Variants in GNAQ observed in about 807,000 individuals in gnomAD.
GNAQ encodes the protein G protein subunit alpha q.
GNAQ carries 8 observed loss-of-function variants against 43.9 expected under a neutral mutation model. That is an observed-to-expected ratio of 0.18 (90% CI 0.11 to 0.33). The LOEUF is 0.33. GNAQ is among the 10% of genes least tolerant of loss of function. The probability of loss-of-function intolerance (pLI) is 1.00; values close to 1 mark genes in which losing one functional copy is unlikely to be tolerated. For synonymous variants in GNAQ, 155 were observed against 170.7 expected (o/e 0.91, Z 0.71); for missense variants, 158 against 450.8 (o/e 0.35, Z 5.88).
intron 5 of GNAQ, among the ~76,000 whole-genome samples, chr9:77,732,618 G>C (rs895834165): frequency 6.6e-6 from 1 of 152,096 alleles, no homozygotes; most frequent in Non-Finnish European, 1.5e-5. Flanking sequence ...TGCCTGCCTT[G>C]GCCTCCCAAA....
chr9:77,976,169 T>C (rs933288013), intron 1 of GNAQ, among the ~76,000 whole-genome samples: 2 of 152,200 alleles, frequency 1.3e-5, no homozygotes, highest in Non-Finnish European at 2.9e-5. Context: ...GCTTCTAATT[T>C]ATATTAGTTT....
At chr9:77,984,190 G>A (rs1372658246) in intron 1 of GNAQ, among the ~76,000 whole-genome samples, 1 of 95,174 alleles carries the variant, frequency 1.1e-5, no homozygotes, top group Non-Finnish European at 2.2e-5. Context: ...TTTTTTTTTT[G>A]AGACAGGGCC....
chr9:77,718,503 C>G lies in GNAQ; in HGVS notation c.*2820G>C, dbSNP rs1268459820. ...CTACAGGAACAGCGAAGCCACAAAC[C>G]TCAATTCTGCATAGCAAATTCCATC... On this transcript the variant is annotated 3_prime_UTR_variant, in exon 7 of 7. Transcript: ENST00000286548. 1 of 232,410 alleles carries G rather than the reference C, an allele frequency of 4.3e-6. No individual in the cohort carries two copies. The highest frequency in any genetic ancestry group is 8.5e-6 in the Non-Finnish European group (1 of 117,648). 14.4% of individuals were successfully genotyped at this position (232,410 alleles called of 1,614,324 possible). A position where few individuals can be genotyped will look rare whatever the true frequency, so the allele number is the denominator to read the frequency against.
intron 2 of GNAQ, among the ~76,000 whole-genome samples, chr9:77,866,569 G>C (rs1827952687): frequency 6.6e-6 from 1 of 152,158 alleles, no homozygotes; most frequent in African/African-American, 2.4e-5. Context: ...ATTATCAGTT[G>C]CATGTACTAA....
At chr9:77,970,869 A>G (rs1221566342) in intron 1 of GNAQ, among the ~76,000 whole-genome samples, 1 of 152,150 alleles carries the variant, frequency 6.6e-6, no homozygotes, top group Non-Finnish European at 1.5e-5. Context: ...TTTTGAAAAG[A>G]TCAACAAAAT....
intron 3 of GNAQ, among the ~76,000 whole-genome samples, chr9:77,810,731 T>A (rs975082533): frequency 6.6e-6 from 1 of 152,200 alleles, no homozygotes; most frequent in African/African-American, 2.4e-5. Context: ...TCACTTCTAT[T>A]ATTTCATGAA....
At position 77,781,502 on chromosome 9, in the gene GNAQ, C is replaced by A. The variant is rs538316379; in HGVS notation, c.735+12961G>T. Among the ~76,000 whole-genome samples the A allele has an allele frequency of 4.7e-4, 71 of 152,142 alleles. No homozygotes were observed. The South Asian group carries it at 0.012, about 25-fold the overall frequency. ...AGATAGAAGCAGAAGGAGGGAATAC[C>A]TCCTAACTCATTATGAGGCCAGCAT... On this transcript the variant is annotated intron_variant, in intron 5 of 6. Transcript: ENST00000286548.
chr9:77,889,968 T>C (rs1187433940), intron 2 of GNAQ, among the ~76,000 whole-genome samples: 2 of 152,336 alleles, frequency 1.3e-5, no homozygotes, highest in Middle Eastern at 3.4e-3. Context: ...CATTCTATAA[T>C]ATGCATACTA....
intron 1 of GNAQ, among the ~76,000 whole-genome samples, chr9:77,933,677 T>G (rs915647194): frequency 9.9e-5 from 15 of 151,978 alleles, no homozygotes; most frequent in African/African-American, 3.6e-4. Flanking sequence ...CATGCACACT[T>G]CTTTTAGAGA....
At chr9:77,987,547 C>T (rs1181034837) in intron 1 of GNAQ, among the ~76,000 whole-genome samples, 1 of 152,156 alleles carries the variant, frequency 6.6e-6, no homozygotes, top group Non-Finnish European at 1.5e-5. Context: ...TCTCGGCAAT[C>T]CACCTGCTTG....
intron 2 of GNAQ, among the ~76,000 whole-genome samples, chr9:77,835,348 C>T (rs1211816495): frequency 6.6e-6 from 1 of 151,482 alleles, no homozygotes; most frequent in African/African-American, 2.4e-5. Flanking sequence ...AAACTTCAAC[C>T]AAGACAAAAA....
intron 5 of GNAQ, among the ~76,000 whole-genome samples, chr9:77,749,011 A>C (rs1002416424): frequency 5.3e-5 from 8 of 152,132 alleles, no homozygotes; most frequent in African/African-American, 1.9e-4. Context: ...CTGGCTTCTG[A>C]CAGATTTCCA....
chr9:77,765,211 T>C (rs1826116255), intron 5 of GNAQ, among the ~76,000 whole-genome samples: 1 of 152,124 alleles, frequency 6.6e-6, no homozygotes, highest in African/African-American at 2.4e-5. Flanking sequence ...TCTCCATGCA[T>C]TGAGGAAGGG....
At chr9:78,011,001 G>A (rs1009064485) in intron 1 of GNAQ, among the ~76,000 whole-genome samples, 1 of 152,082 alleles carries the variant, frequency 6.6e-6, no homozygotes, top group African/African-American at 2.4e-5. Flanking sequence ...GAAAAGTTGA[G>A]GGCTAAAAGC....
chr9:77,737,738 G>A (rs952815291), intron 5 of GNAQ, among the ~76,000 whole-genome samples: 5 of 152,278 alleles, frequency 3.3e-5, no homozygotes, highest in African/African-American at 1.2e-4. Context: ...ATAGTAAGTG[G>A]CTACTTGAAT....
intron 2 of GNAQ, among the ~76,000 whole-genome samples, chr9:77,826,970 A>G (rs1827207490): frequency 6.6e-6 from 1 of 152,200 alleles, no homozygotes; most frequent in Non-Finnish European, 1.5e-5. Context: ...TACGGTTCTT[A>G]CCAACATGCT....
At chr9:77,993,687 G>A (rs1021126432) in intron 1 of GNAQ, among the ~76,000 whole-genome samples, 6 of 151,286 alleles carry the variant, frequency 4.0e-5, no homozygotes, top group Non-Finnish European at 8.8e-5. Flanking sequence ...GGGCAACAGA[G>A]CAAGACTCCA....
chr9:77,958,100 T>C (rs1166007425), intron 1 of GNAQ, among the ~76,000 whole-genome samples: 1 of 152,152 alleles, frequency 6.6e-6, no homozygotes, highest in Non-Finnish European at 1.5e-5. Flanking sequence ...TCTACAGGAA[T>C]AGTAGAGTAG....
intron 1 of GNAQ, among the ~76,000 whole-genome samples, chr9:78,029,277 C>T (rs903474699): frequency 9.9e-5 from 15 of 151,904 alleles, no homozygotes; most frequent in Admixed American, 5.2e-4. Flanking sequence ...CAAAGACTGT[C>T]AACAGGGCAA....
Sources: allele counts gnomAD v4.1 joint callset (sites outside exome capture counted in the v4.1 genomes callset), GRCh38; gene constraint gnomAD v4.1.1; transcripts MANE v1.5; gene names NCBI Gene and HGNC (gene_info 2026-07-23, HGNC 2026-07-21).